The following RNF216 variants were observed in gnomAD, a reference collection of about 807,000 sequenced individuals.
The protein encoded by RNF216 is E3 ubiquitin-protein ligase RNF216.
A neutral mutation model predicts 110.8 loss-of-function variants in RNF216; 72 were observed. That is an observed-to-expected ratio of 0.65 (90% CI 0.54 to 0.79). The LOEUF is 0.79. RNF216 is among the 30% of genes least tolerant of loss of function. The pLI, the probability that RNF216 is intolerant of heterozygous loss-of-function variation, is 0.00. For missense variants in RNF216, 1,342 were observed against 1,141.2 expected, an observed-to-expected ratio of 1.18 and a Z score of -2.54; for synonymous variants, 495 against 407.5, an observed-to-expected ratio of 1.21 and a Z score of -2.59.
chr7:5,736,797 C>T (rs1794439531), intron 5 of RNF216, among the ~76,000 whole-genome samples: 1 of 151,842 alleles, frequency 6.6e-6, no homozygotes, highest in Admixed American at 6.6e-5. Flanking sequence ...TGAGCAGCGT[C>T]TCTGCCCGGC....
At chr7:5,692,510 C>A (rs1791398230) in intron 13 of RNF216, among the ~76,000 whole-genome samples, 1 of 152,148 alleles carries the variant, frequency 6.6e-6, no homozygotes, top group African/African-American at 2.4e-5. Context: ...ACTTCTGGTC[C>A]AAGGTTTCTC....
At chr7:5,678,159 T>G (rs852401) in intron 13 of RNF216, among the ~76,000 whole-genome samples, 2,747 of 152,294 alleles carry the variant, frequency 0.018, 35 homozygotes, top group South Asian at 0.034. Context: ...CTCAGGCATG[T>G]GCCCAAATCT....
At chr7:5,690,983 G>A (rs1267119890) in intron 13 of RNF216, among the ~76,000 whole-genome samples, 1 of 152,226 alleles carries the variant, frequency 6.6e-6, no homozygotes. Context: ...ACAGCCAGGA[G>A]AGGCTGAAGC....
In RNF216 at chr7:5,684,846, A is replaced by G. The variant is rs1333006403; in HGVS notation, c.2061+26915T>C. On this transcript the variant is annotated intron_variant, in intron 13 of 16. Coordinates refer to ENST00000389902, the MANE Select transcript of RNF216 (RefSeq NM_207111.4). ...GCCTCACATTTTTAAGGTGATGAAA[A>G]GAGAGGTCAGTAAAATTTTCCCCAA... Among the ~76,000 whole-genome samples the G allele has an allele frequency of 6.0e-5, 9 of 149,716 alleles. 1 individual carries two copies. Among genetic ancestry groups the G allele is most frequent in the African/African-American group, 2.2e-4 (9 of 40,804 alleles).
intron 15 of RNF216, among the ~76,000 whole-genome samples, chr7:5,628,710 G>A (rs972133720): frequency 6.7e-6 from 1 of 149,024 alleles, no homozygotes; most frequent in Non-Finnish European, 1.5e-5. Flanking sequence ...TTGTAGAAAT[G>A]GGGTTTCACC....
chr7:5,622,727 T>C lies in RNF216; in HGVS notation c.*133A>G, dbSNP rs911376396. On this transcript the variant is annotated 3_prime_UTR_variant, in exon 17 of 17. Transcript: ENST00000389902. ...AGCAGTAGCCCTTCTAGGAAAGGGG[T>C]GGGAAGAAAACCAGCCTACCCTTCA... 6.4e-5 allele frequency: 54 copies of C among 845,140 alleles called. No individual in the cohort carries two copies. The African/African-American group carries it at 8.8e-4, about 14-fold the overall frequency. 52.4% of individuals were successfully genotyped at this position (845,140 alleles called of 1,614,324 possible).
At position 5,696,661 on chromosome 7, in the gene RNF216, G is replaced by C. The variant is rs561153673; in HGVS notation, c.2061+15100C>G. Among the ~76,000 whole-genome samples, 2 of 152,174 alleles carry C rather than the reference G, an allele frequency of 1.3e-5. No individual in the cohort carries two copies. The highest frequency in any genetic ancestry group is 4.2e-4 in the South Asian group (2 of 4,818). The stretch of plus-strand genomic sequence containing the variant: ...TCCTCGCTTTTGACTACTGCCCCAC[G>C]TCTCCCCTCTTGCCCCCAACCTGCC... On this transcript the variant is annotated intron_variant, in intron 13 of 16. Transcript: ENST00000389902. This position sits in a 1 kb window ranked among gnomAD's most constrained non-coding sequence, Gnocchi z 5.4.
chr7:5,771,700 G>C (rs902468910), intron 1 of RNF216, among the ~76,000 whole-genome samples: 1 of 152,154 alleles, frequency 6.6e-6, no homozygotes, highest in Non-Finnish European at 1.5e-5. Context: ...AGGAGGCTGA[G>C]GTGGGAAGAT....
At chr7:5,715,335 C>T in intron 10 of RNF216, 145 bp from the exon 11 acceptor site, 1 of 695,814 alleles carries the variant, frequency 1.4e-6, no homozygotes, top group Non-Finnish European at 2.5e-6. Flanking sequence ...CAATGATATG[C>T]TGTTTCGTGC....
intron 1 of RNF216, among the ~76,000 whole-genome samples, chr7:5,773,156 T>C (rs1796589050): frequency 1.3e-5 from 2 of 152,168 alleles, no homozygotes; most frequent in Non-Finnish European, 2.9e-5. Flanking sequence ...GATATTGATG[T>C]TATTAATAAG....
intron 15 of RNF216, among the ~76,000 whole-genome samples, chr7:5,634,234 A>T (rs1295065640): frequency 6.9e-6 from 1 of 144,210 alleles, no homozygotes; most frequent in Admixed American, 6.8e-5. Flanking sequence ...TTTCTTCTTC[A>T]TTGCACTTTT....
intron 1 of RNF216, among the ~76,000 whole-genome samples, chr7:5,773,960 A>G (rs544859981): frequency 2.6e-3 from 397 of 152,330 alleles, no homozygotes; most frequent in Middle Eastern, 3.4e-3. Context: ...TTTACAGCTA[A>G]TTTAGTTGAA....
Position 5,644,367 on chromosome 7 carries a change from G to A in RNF216, c.2160-2991C>T, listed in dbSNP as rs114535844. Among the ~76,000 whole-genome samples the A allele has an allele frequency of 8.8e-3, 1,338 of 152,134 alleles. 23 individuals are homozygous for A. The highest frequency in any genetic ancestry group is 0.031 in the African/African-American group (1,278 of 41,472). The stretch of plus-strand genomic sequence containing the variant: ...GTTATTTTCCATCGCTTTCATTATA[G>A]TCATCCTAATAGGTGTGAAGCGGTA... On this transcript the variant is annotated intron_variant, in intron 14 of 16. Coordinates refer to ENST00000389902, the MANE Select transcript of RNF216 (RefSeq NM_207111.4).
rs1295164881 is a variant in RNF216 at position 5,681,418 on chromosome 7, G to A, written c.2062-28908C>T. Among the ~76,000 whole-genome samples the A allele has an allele frequency of 4.6e-5, 7 of 152,290 alleles. No individual in the cohort carries two copies. The South Asian group carries it at 6.2e-4, about 14-fold the overall frequency. On this transcript the variant is annotated intron_variant, in intron 13 of 16. Transcript: ENST00000389902. ...TTATAGCTACACAGAAACAACTGTG[G>A]ATTACCAAGTCCCCAGCAGCTTCTA...
chr7:5,636,804 G>T (rs557889349), intron 15 of RNF216, among the ~76,000 whole-genome samples: 63 of 152,266 alleles, frequency 4.1e-4, no homozygotes, highest in African/African-American at 1.3e-3. Flanking sequence ...AGCAAATCTA[G>T]AAACTTTCTC....
At chr7:5,637,166 G>A (rs1310499784) in intron 15 of RNF216, among the ~76,000 whole-genome samples, 1 of 152,306 alleles carries the variant, frequency 6.6e-6, no homozygotes, top group African/African-American at 2.4e-5. Flanking sequence ...CTGCCAGGGG[G>A]CTGAGGAGGT....
In RNF216 at chr7:5,776,713, A is replaced by T. The variant is rs934192125; in HGVS notation, c.-70+4828T>A. Among the ~76,000 whole-genome samples, 31 of 151,676 alleles carry T rather than the reference A, an allele frequency of 2.0e-4. 2 individuals are homozygous for T. Among genetic ancestry groups the T allele is most frequent in the Admixed American group, 1.8e-3 (27 of 15,188 alleles). On this transcript the variant is annotated intron_variant, in intron 1 of 16. Transcript: ENST00000389902. ...GTCAGATCTGGGTTTATCCTTTAAA[A>T]GCACAGCAGCCCCTGACTCTACTAA...
intron 13 of RNF216, among the ~76,000 whole-genome samples, chr7:5,672,324 T>A (rs1789970835): frequency 6.6e-6 from 1 of 152,230 alleles, no homozygotes. Context: ...ATCTTGTAGT[T>A]ATATCAGTTA....
At chr7:5,734,060 G>T (rs147733004) in intron 5 of RNF216, among the ~76,000 whole-genome samples, 1 of 151,878 alleles carries the variant, frequency 6.6e-6, no homozygotes, top group Admixed American at 6.6e-5. Flanking sequence ...GCTTAGGAGG[G>T]GAAAAAAATC....
Sources: gnomAD v4.1 joint callset for allele counts (sites outside exome capture counted in the v4.1 genomes callset) on GRCh38, gnomAD v4.1.1 for gene constraint, Gnocchi (gnomAD v3.1) non-coding constraint, MANE v1.5 for transcripts, NCBI Gene and HGNC (gene_info 2026-07-23, HGNC 2026-07-21) for gene names.